The following ARHGEF4 variants were observed in gnomAD, a reference collection of about 807,000 sequenced individuals.
ARHGEF4 encodes the protein APC-stimulated guanine nucleotide exchange factor 1.
Under a neutral mutation model 162.0 loss-of-function variants are expected in ARHGEF4, and 119 were observed. The ratio of observed to expected loss-of-function variants is 0.73; its 90% CI spans 0.63 to 0.86. ARHGEF4 has a LOEUF of 0.86. Ranked by LOEUF, ARHGEF4 falls within the 40% of genes least tolerant of loss-of-function variation. ARHGEF4 has a pLI of 0.00. For synonymous variants in ARHGEF4, 1,014 were observed against 979.9 expected (o/e 1.03, Z -0.65); for missense variants, 2,488 against 2,456.0 (o/e 1.01, Z -0.28).
Position 130,916,353 on chromosome 2 carries a change from G to A in ARHGEF4, c.2407G>A (p.Gly803Ser). Reference protein sequence around the residue: ...TFSKVTSFRKGRPLATESPGG... With the variant: ...TFSKVTSFRKSRPLATESPGG... ...TTCCAAGGTGACCTCCTTCAGGAAG[G>A]GCAGGCCCTTGGCCACTGAGAGCCC... Residue 803 changes from glycine to serine, a missense_variant, in exon 2 of 14, where the codon GGC becomes AGC. Around this residue, in one of 6 missense-constraint regions of ARHGEF4, gnomAD observed 1,642 missense variants for 1,481.5 expected, o/e 1.11. Coordinates refer to ENST00000409359, the MANE Select transcript of ARHGEF4 (RefSeq NM_001367493.1). The A allele has an allele frequency of 6.5e-7, 1 of 1,543,180 alleles. No individual in the cohort carries two copies.
chr2:130,844,832 A>G (rs1292423266), intron 1 of ARHGEF4, among the ~76,000 whole-genome samples: 2 of 151,862 alleles, frequency 1.3e-5, no homozygotes, highest in Non-Finnish European at 2.9e-5. Flanking sequence ...ATGTATATAT[A>G]TATATTTGAG....
At chr2:130,978,754 A>G (rs532157243) in intron 4 of ARHGEF4, among the ~76,000 whole-genome samples, 1 of 152,222 alleles carries the variant, frequency 6.6e-6, no homozygotes, top group Non-Finnish European at 1.5e-5. Flanking sequence ...ATAGCTCCAA[A>G]AAAAAAAAAA....
At chr2:130,888,826 C>T (rs1015115451) in intron 1 of ARHGEF4, among the ~76,000 whole-genome samples, 3 of 151,976 alleles carry the variant, frequency 2.0e-5, no homozygotes, top group Non-Finnish European at 4.4e-5. Flanking sequence ...GTCGGCCAGG[C>T]GCAGTGGCTC....
At chr2:131,002,855 C>A (rs1453240075) in intron 4 of ARHGEF4, among the ~76,000 whole-genome samples, 2 of 150,792 alleles carry the variant, frequency 1.3e-5, no homozygotes, top group Non-Finnish European at 3.0e-5. Context: ...ATTAGTTTTT[C>A]AACATTGTTG....
intron 1 of ARHGEF4, among the ~76,000 whole-genome samples, chr2:130,873,330 T>C (rs1216185802): frequency 6.6e-6 from 1 of 152,182 alleles, no homozygotes; most frequent in African/African-American, 2.4e-5. Flanking sequence ...TGGCCACGCC[T>C]GTAATCCTAG....
intron 4 of ARHGEF4, among the ~76,000 whole-genome samples, chr2:130,978,722 A>T (rs1425956460): frequency 2.0e-5 from 3 of 152,178 alleles, no homozygotes; most frequent in African/African-American, 4.8e-5. Context: ...CAATACACTT[A>T]AAGTATATTT....
At chr2:130,904,178 G>C (rs994130438) in intron 1 of ARHGEF4, among the ~76,000 whole-genome samples, 1 of 152,146 alleles carries the variant, frequency 6.6e-6, no homozygotes, top group African/African-American at 2.4e-5. Context: ...CCACCAGCAA[G>C]TGTTATTCCT....
At chr2:130,975,342 G>A (rs1182003298) in intron 4 of ARHGEF4, among the ~76,000 whole-genome samples, 1 of 152,156 alleles carries the variant, frequency 6.6e-6, no homozygotes, top group Admixed American at 6.5e-5. Context: ...AGAGACAGCA[G>A]ACACCCACCT....
At chr2:130,986,355 A>C (rs1686498139) in intron 4 of ARHGEF4, among the ~76,000 whole-genome samples, 1 of 152,140 alleles carries the variant, frequency 6.6e-6, no homozygotes, top group African/African-American at 2.4e-5. Context: ...CTAAGGGAGG[A>C]TTCTGGCTGC....
At chr2:130,959,708 G>A (rs1363589497) in intron 4 of ARHGEF4, among the ~76,000 whole-genome samples, 1 of 152,178 alleles carries the variant, frequency 6.6e-6, no homozygotes, top group African/African-American at 2.4e-5. Context: ...TGGATAAGGA[G>A]AGAATGACAC....
Position 130,916,790 on chromosome 2 carries a change from C to T in ARHGEF4, c.2844C>T (p.Arg948=), listed in dbSNP as rs933641144. The change falls in exon 2 of 14, where the codon CGC becomes CGT. Residue 948 remains arginine (R), a synonymous_variant. Transcript: ENST00000409359. ...GCGAGAAGGAGAAGAGCAGGCTGCGCCAGGGTTCCTGGCGGGCGTTTCTGA... is the reference window on the plus strand; with the variant it reads ...GCGAGAAGGAGAAGAGCAGGCTGCGTCAGGGTTCCTGGCGGGCGTTTCTGA... The part of the protein sequence containing the change: ...PKGEKEKSRL[R]QGSWRAFLKS... The T allele has an allele frequency of 8.4e-6, 13 of 1,550,394 alleles. No individual in the cohort carries two copies. The highest frequency in any genetic ancestry group is 1.1e-5 in the Non-Finnish European group (13 of 1,147,012).
intron 1 of ARHGEF4, among the ~76,000 whole-genome samples, chr2:130,838,764 G>A (rs1225238874): frequency 2.0e-5 from 3 of 152,178 alleles, no homozygotes; most frequent in Non-Finnish European, 4.4e-5. Context: ...TTGCCCAGGT[G>A]AGGGGAAGAT....
intron 1 of ARHGEF4, among the ~76,000 whole-genome samples, chr2:130,851,739 G>A (rs988622407): frequency 1.3e-5 from 2 of 152,210 alleles, no homozygotes; most frequent in Non-Finnish European, 2.9e-5. Context: ...CTGGAACAAG[G>A]TCCCAACCCT....
intron 1 of ARHGEF4, among the ~76,000 whole-genome samples, chr2:130,851,147 A>G (rs560535687): frequency 1.0e-4 from 16 of 152,386 alleles, no homozygotes; most frequent in African/African-American, 3.8e-4. Context: ...GGAGCGGAGA[A>G]GTGCCTGCAC....
At chr2:130,873,913 A>C (rs892266069) in intron 1 of ARHGEF4, among the ~76,000 whole-genome samples, 2 of 152,092 alleles carry the variant, frequency 1.3e-5, no homozygotes, top group African/African-American at 4.8e-5. Context: ...GATAGATTGC[A>C]TCTAACGTTT....
intron 4 of ARHGEF4, among the ~76,000 whole-genome samples, chr2:130,974,107 T>TAAAAAAA: frequency 7.4e-6 from 1 of 135,022 alleles, no homozygotes; most frequent in African/African-American, 2.7e-5. Flanking sequence ...TTGTCTCTAC[T>TAAAAAAA]AAAAAAAAAA....
intron 4 of ARHGEF4, among the ~76,000 whole-genome samples, chr2:131,005,881 A>G (rs1308005075): frequency 6.6e-6 from 1 of 152,216 alleles, no homozygotes; most frequent in Non-Finnish European, 1.5e-5. Flanking sequence ...ACACAAATCT[A>G]GGAACTTCCT....
chr2:130,917,103 C>G lies in ARHGEF4; in HGVS notation c.3157C>G (p.Leu1053Val). The G allele has an allele frequency of 6.4e-7, 1 of 1,550,500 alleles. No homozygotes were observed. Among genetic ancestry groups the G allele is most frequent in the East Asian group, 2.4e-5 (1 of 40,886 alleles). ...PSGIFPEKSW[L>V]ASPGSPRAQQ... ...AGGTATCTTTCCGGAAAAGTCCTGG[C>G]TGGCGTCCCCCGGCAGCCCTCGGGC... Residue 1053 changes from leucine (L) to valine (V), a missense_variant, in exon 2 of 14, where the codon CTG becomes GTG. Physicochemically the swap from Leu to Val is conservative, Grantham distance 32. Coordinates refer to ENST00000409359, the MANE Select transcript of ARHGEF4 (RefSeq NM_001367493.1).
At chr2:130,949,477 C>A (rs1683820890) in intron 4 of ARHGEF4, among the ~76,000 whole-genome samples, 1 of 152,042 alleles carries the variant, frequency 6.6e-6, no homozygotes, top group Admixed American at 6.5e-5. Context: ...CCTCAGCCTC[C>A]CAAGTAGCTG....
Sources: gnomAD v4.1 joint callset for allele counts (sites outside exome capture counted in the v4.1 genomes callset) on GRCh38, gnomAD v4.1.1 for gene constraint, gnomAD v4.1.1 regional missense constraint, MANE v1.5 for transcripts, NCBI Gene and HGNC (gene_info 2026-07-23, HGNC 2026-07-21) for gene names.